ACADL: variants seen among roughly 807,000 people sequenced by gnomAD.
The protein encoded by ACADL is acyl-CoA dehydrogenase long chain.
A neutral mutation model predicts 56.9 loss-of-function variants in ACADL; 60 were observed. The observed-to-expected ratio is 1.05, with a 90% CI of 0.86 to 1.31. The LOEUF is 1.31. Ranked by LOEUF, ACADL falls within the 50% of genes most tolerant of loss-of-function variation. The pLI is 0.00. For synonymous variants in ACADL, 158 were observed against 179.7 expected (o/e 0.88, Z 0.97); for missense variants, 484 against 525.5 (o/e 0.92, Z 0.77).
chr2:210,209,559 A>G (rs1200134381), intron 5 of ACADL: 1 of 148,940 alleles, frequency 6.7e-6, no homozygotes, highest in Non-Finnish European at 1.5e-5. Context: ...TTTCTTTGAG[A>G]GGGGGTCTTA....
At chr2:210,197,367 A>AT (rs1688727402) in intron 8 of ACADL, among the ~76,000 whole-genome samples, 2 of 151,836 alleles carry the variant, frequency 1.3e-5, no homozygotes, top group South Asian at 4.2e-4. Flanking sequence ...GTTTCCCTTA[A>AT]TTTTTTCTAT....
intron 2 of ACADL, 134 bp downstream of exon 2, chr2:210,220,513 C>T (rs1232282938): frequency 1.3e-5 from 10 of 752,248 alleles, no homozygotes; most frequent in Admixed American, 6.3e-5. Context: ...TATAGTACTA[C>T]AGTGAAGAGC....
At chr2:210,194,137 G>A (rs189442969) in intron 9 of ACADL, among the ~76,000 whole-genome samples, 175 of 152,128 alleles carry the variant, frequency 1.2e-3, no homozygotes, top group African/African-American at 3.5e-3. Context: ...AAGGTCAATG[G>A]CTATCCAAAC....
chr2:210,216,466 A>T lies in ACADL; in HGVS notation c.417T>A (p.Gly139=), dbSNP rs777872949. Residue 139 remains glycine (G), a synonymous_variant, in exon 4 of 11, where the codon GGT becomes GGA. Transcript: ENST00000233710. ...GGTTTGTAATATAGGACATGACAAT[A>T]CCTGAATGAATACTAAAACCTGGGC... The part of the protein sequence containing the change: ...CSGPGFSIHS[G]IVMSYITNHG... 6.2e-7 allele frequency: 1 copy of T among 1,613,820 alleles called. No individual in the cohort carries two copies. The highest frequency in any genetic ancestry group is 1.1e-5 in the South Asian group (1 of 91,076).
intron 1 of ACADL, 57 bp downstream of exon 1, chr2:210,225,130 C>T (rs1689248360): frequency 3.9e-6 from 6 of 1,527,264 alleles, no homozygotes; most frequent in Non-Finnish European, 4.4e-6. Context: ...GAGTGACTCG[C>T]TGCCCCACCC....
chr2:210,204,503 T>C (rs963352078), intron 7 of ACADL, 78 bp downstream of exon 7: 10 of 1,118,406 alleles, frequency 8.9e-6, no homozygotes, highest in African/African-American at 3.1e-5. Flanking sequence ...ATGCATAATA[T>C]AGAAATAACA....
intron 8 of ACADL, among the ~76,000 whole-genome samples, chr2:210,200,126 T>C (rs756800392): frequency 1.1e-4 from 16 of 146,336 alleles, no homozygotes; most frequent in Admixed American, 4.4e-4. Context: ...CTCATTCCAC[T>C]TTGGGTACAG....
intron 5 of ACADL, among the ~76,000 whole-genome samples, chr2:210,207,691 C>G (rs1688910644): frequency 6.6e-6 from 1 of 152,080 alleles, no homozygotes; most frequent in South Asian, 2.1e-4. Context: ...GTTGGTTACT[C>G]CCATCACCTA....
At chr2:210,207,428 A>G (rs1367372062) in intron 5 of ACADL, among the ~76,000 whole-genome samples, 5 of 151,906 alleles carry the variant, frequency 3.3e-5, no homozygotes, top group Admixed American at 3.3e-4. Flanking sequence ...CTACTAAACT[A>G]CTTGCTGTCC....
intron 10 of ACADL, among the ~76,000 whole-genome samples, chr2:210,190,289 T>G (rs1431555022): frequency 1.3e-5 from 2 of 152,136 alleles, no homozygotes; most frequent in African/African-American, 4.8e-5. Context: ...TTTTCAAACA[T>G]TTTTTTCTGA....
At chr2:210,189,085 T>C in intron 10 of ACADL, 31 bp from the exon 11 acceptor site, 1 of 1,468,078 alleles carries the variant, frequency 6.8e-7, no homozygotes, top group Non-Finnish European at 9.5e-7. Context: ...AATGAATAAA[T>C]AAAATATATT....
rs182478490 is a variant in ACADL, at chr2:210,202,218, G to T, written c.984+1113C>A. Among the ~76,000 whole-genome samples, 14 of 152,016 alleles carry T rather than the reference G, an allele frequency of 9.2e-5. No individual in the cohort carries two copies. In the East Asian group the frequency reaches 2.5e-3, roughly 27 times the overall value. On this transcript the variant is annotated intron_variant, in intron 8 of 10. Transcript: ENST00000233710. ...AGTGATTCTCCTGCCTCAGCCTCCC[G>T]AGTAGCTGGGATTAGAGGTGTGCAC...
At chr2:210,218,227 G>T in intron 2 of ACADL, 125 bp from the exon 3 acceptor site, 2 of 894,318 alleles carry the variant, frequency 2.2e-6, no homozygotes, top group Non-Finnish European at 3.5e-6. Flanking sequence ...ATTTACATTA[G>T]CCATATGCTT....
At chr2:210,204,196 A>G (rs1688846558) in intron 7 of ACADL, among the ~76,000 whole-genome samples, 2 of 152,162 alleles carry the variant, frequency 1.3e-5, no homozygotes, top group African/African-American at 2.4e-5. Flanking sequence ...TCTGAATTTT[A>G]TACTTTTCCC....
chr2:210,218,720 A>G (rs1689131345), intron 2 of ACADL, among the ~76,000 whole-genome samples: 1 of 152,190 alleles, frequency 6.6e-6, no homozygotes, highest in Non-Finnish European at 1.5e-5. Flanking sequence ...TAGTTATGGC[A>G]TGTTGTCATG....
chr2:210,189,967 C>A (rs898870402), intron 10 of ACADL, among the ~76,000 whole-genome samples: 2 of 152,064 alleles, frequency 1.3e-5, no homozygotes, highest in Non-Finnish European at 2.9e-5. Context: ...CTTTCATTGG[C>A]CAAAGCACTT....
intron 4 of ACADL, among the ~76,000 whole-genome samples, chr2:210,213,039 A>G (rs558941211): frequency 1.3e-5 from 2 of 152,260 alleles, no homozygotes; most frequent in Non-Finnish European, 2.9e-5. Context: ...CCTTTTAGGG[A>G]TCTGAACTTT....
In ACADL at chr2:210,204,481, G is replaced by A. The variant is rs1688851028; in HGVS notation, c.870+100C>T. ...ATTAGCTATTTCACAAGTTTTGCAT[G>A]TATAAATTTGAATGCATAATATAGA... is the stretch of plus-strand genomic sequence containing the variant. On this transcript the variant is annotated intron_variant, in intron 7 of 10. Transcript: ENST00000233710. The A allele has an allele frequency of 1.6e-5, 14 of 896,010 alleles. 2 individuals are homozygous for A. The South Asian group carries it at 2.0e-4, about 13-fold the overall frequency. The allele number at this position is 896,010 out of a possible 1,614,324, so 55.5% of individuals were successfully genotyped here.
chr2:210,206,797 T>C lies in ACADL; in HGVS notation c.604-1001A>G, dbSNP rs576910410. ...CTTTATTTAAGCCATGTTTCTTTTC[T>C]TTTTTTTAGAGACAGGGTCTCTCTC... On this transcript the variant is annotated intron_variant, in intron 5 of 10. Coordinates refer to ENST00000233710, the MANE Select transcript of ACADL (RefSeq NM_001608.4). Among the ~76,000 whole-genome samples, 7 of 152,116 alleles carry C rather than the reference T, an allele frequency of 4.6e-5. No homozygotes were observed. In the South Asian group the frequency reaches 1.5e-3, roughly 32 times the overall value.
Sources: allele counts gnomAD v4.1 joint callset (sites outside exome capture counted in the v4.1 genomes callset), GRCh38; gene constraint gnomAD v4.1.1; transcripts MANE v1.5; gene names NCBI Gene and HGNC (gene_info 2026-07-23, HGNC 2026-07-21).